The following ZDHHC3 variants were observed in gnomAD, a reference collection of about 807,000 sequenced individuals.
The protein encoded by ZDHHC3 is zDHHC palmitoyltransferase 3.
In ZDHHC3, 9 loss-of-function variants were observed where a neutral mutation model predicts 30.6. The ratio of observed to expected loss-of-function variants is 0.29; its 90% CI spans 0.18 to 0.51. ZDHHC3 has a LOEUF of 0.51. Ranked by LOEUF, ZDHHC3 falls within the 20% of genes least tolerant of loss-of-function variation. The pLI is 0.97. For synonymous variants in ZDHHC3, 136 were observed against 140.2 expected, an observed-to-expected ratio of 0.97 and a Z score of 0.21; for missense variants, 246 against 384.2, an observed-to-expected ratio of 0.64 and a Z score of 3.01.
chr3:44,947,141 GGGA>G (rs1270842906), intron 2 of ZDHHC3, among the ~76,000 whole-genome samples: 3 of 152,208 alleles, frequency 2.0e-5, no homozygotes, highest in African/African-American at 7.2e-5. Flanking sequence ...GTAACAAAAA[GGGA>G]GGAGATGAGC....
chr3:44,948,111 C>T (rs1026422616), intron 2 of ZDHHC3, among the ~76,000 whole-genome samples: 1 of 152,200 alleles, frequency 6.6e-6, no homozygotes, highest in Admixed American at 6.5e-5. Flanking sequence ...GTCAGTGTAA[C>T]ATCAGAAGGA....
Position 44,944,154 on chromosome 3 carries a change from A to T in ZDHHC3, c.431+1014T>A, listed in dbSNP as rs528798587. Among the ~76,000 whole-genome samples the T allele has an allele frequency of 2.4e-4, 35 of 147,392 alleles. 1 individual carries two copies. In the South Asian group the frequency reaches 3.0e-3, roughly 13 times the overall value. On this transcript the variant is annotated intron_variant, in intron 3 of 6. Coordinates refer to ENST00000424952, the MANE Select transcript of ZDHHC3 (RefSeq NM_001135179.2). ...ACCACACCCAGCTAATTAAAAAAAA[A>T]TTTTTTTTTTTTGAGATGGAGTTTC...
At chr3:44,927,835 G>C (rs564864090) in intron 6 of ZDHHC3, among the ~76,000 whole-genome samples, 43 of 152,366 alleles carry the variant, frequency 2.8e-4, no homozygotes, top group African/African-American at 9.1e-4. Flanking sequence ...TCTAGTAAAG[G>C]GGTGCTGGGA....
At chr3:44,937,801 T>C (rs9871310) in intron 3 of ZDHHC3, 3 of 416,038 alleles carry the variant, frequency 7.2e-6, no homozygotes, top group Non-Finnish European at 9.5e-6. Flanking sequence ...CCAAAAAAGG[T>C]TGGTGATGAC....
At position 44,921,069 on chromosome 3, in the gene ZDHHC3, G is replaced by C. The variant is rs970636224; in HGVS notation, c.*5620C>G. 1 of 985,316 alleles carries C rather than the reference G, an allele frequency of 1.0e-6. No homozygotes were observed. Among genetic ancestry groups the C allele is most frequent in the African/African-American group, 1.7e-5 (1 of 57,238 alleles). The allele number at this position is 985,316 out of a possible 1,614,324, so 61.0% of individuals were successfully genotyped here. A position where few individuals can be genotyped will look rare whatever the true frequency, so the allele number is the denominator to read the frequency against. ...CAGGCTCAAGAGAACGAACAAAAAT[G>C]GTTGATGCCTGGTAAGGGGGTCATA... On this transcript the variant is annotated 3_prime_UTR_variant, in exon 7 of 7. Transcript: ENST00000424952.
At chr3:44,953,497 C>T (rs1461814997) in intron 2 of ZDHHC3, among the ~76,000 whole-genome samples, 1 of 152,146 alleles carries the variant, frequency 6.6e-6, no homozygotes, top group Non-Finnish European at 1.5e-5. Flanking sequence ...CCAATAATTT[C>T]AAGGACTCAA....
rs187249891 is a variant in ZDHHC3, at chr3:44,933,083, C to T, written c.610+35G>A. ...CCCCCACTCAGGTCACACACCCACC[C>T]TGGAGCAGGGAGGAAAGCCTCAGCA... On this transcript the variant is annotated intron_variant, in intron 5 of 6. Coordinates refer to ENST00000424952, the MANE Select transcript of ZDHHC3 (RefSeq NM_001135179.2). The T allele has an allele frequency of 2.4e-4, 392 of 1,613,682 alleles. 2 individuals carry two copies. The African/African-American group carries it at 4.5e-3, about 18-fold the overall frequency.
chr3:44,926,055 C>T lies in ZDHHC3; in HGVS notation c.*634G>A, dbSNP rs1383891182. The T allele has an allele frequency of 1.0e-6, 1 of 985,896 alleles. No homozygotes were observed. Among genetic ancestry groups the T allele is most frequent in the Non-Finnish European group, 1.2e-6 (1 of 829,950 alleles). 61.1% of individuals were successfully genotyped at this position (985,896 alleles called of 1,614,324 possible). On this transcript the variant is annotated 3_prime_UTR_variant, in exon 7 of 7. Transcript: ENST00000424952. ...AAGACCTCTTTCATCTTTCTCCCCACTCCCCCGCAAAATCATTCTACACAC... is the reference window on the plus strand; with the variant it reads ...AAGACCTCTTTCATCTTTCTCCCCATTCCCCCGCAAAATCATTCTACACAC...
Position 44,923,777 on chromosome 3 carries a change from T to C in ZDHHC3, c.*2912A>G. 1 of 982,114 alleles carries C rather than the reference T, an allele frequency of 1.0e-6. No homozygotes were observed. The highest frequency in any genetic ancestry group is 1.2e-6 in the Non-Finnish European group (1 of 826,904). 60.8% of individuals were successfully genotyped at this position (982,114 alleles called of 1,614,324 possible). A position where few individuals can be genotyped will look rare whatever the true frequency, so the allele number is the denominator to read the frequency against. On this transcript the variant is annotated 3_prime_UTR_variant, in exon 7 of 7. Transcript: ENST00000424952. ...CTAATTGTGCCACTGCATTCCAGCC[T>C]GGGTGACAGAGCAAGACCTTGTCTC...
intron 3 of ZDHHC3, among the ~76,000 whole-genome samples, chr3:44,942,693 G>C (rs139563112): frequency 1.1e-3 from 170 of 152,328 alleles, no homozygotes; most frequent in African/African-American, 4.0e-3. Flanking sequence ...CGCTTGTTGA[G>C]CTAGGTGACT....
At position 44,923,390 on chromosome 3, in the gene ZDHHC3, C is replaced by T. The variant is rs182067279; in HGVS notation, c.*3299G>A. 8.1e-6 allele frequency: 8 copies of T among 985,230 alleles called. No individual in the cohort carries two copies. The South Asian group carries it at 1.4e-4, about 17-fold the overall frequency. The allele number at this position is 985,230 out of a possible 1,614,324, so 61.0% of individuals were successfully genotyped here. A position where few individuals can be genotyped will look rare whatever the true frequency, so the allele number is the denominator to read the frequency against. ...GTCCACAGTGAGAAGTGTCCGCGCCCGGCTTAAAATGTTTGTTAATTTACC... is the reference window on the plus strand; with the variant it reads ...GTCCACAGTGAGAAGTGTCCGCGCCTGGCTTAAAATGTTTGTTAATTTACC... On this transcript the variant is annotated 3_prime_UTR_variant, in exon 7 of 7. Transcript: ENST00000424952.
intron 1 of ZDHHC3, among the ~76,000 whole-genome samples, chr3:44,974,640 C>T (rs1705722134): frequency 6.6e-6 from 1 of 152,228 alleles, no homozygotes; most frequent in Non-Finnish European, 1.5e-5. Context: ...GGCTTCACCT[C>T]TTTCAGTTTC....
chr3:44,932,825 G>T (rs1355650831), intron 5 of ZDHHC3: 1 of 1,355,682 alleles, frequency 7.4e-7, no homozygotes, highest in Non-Finnish European at 1.1e-6. Flanking sequence ...CATTGGAACC[G>T]GCCTCTGTGC....
intron 1 of ZDHHC3, among the ~76,000 whole-genome samples, chr3:44,968,207 C>A (rs758915448): frequency 5.9e-5 from 9 of 152,080 alleles, no homozygotes; most frequent in African/African-American, 1.2e-4. Flanking sequence ...TGCTCCCTTA[C>A]ACACATTTGA....
At chr3:44,960,663 G>A (rs888725353) in intron 1 of ZDHHC3, among the ~76,000 whole-genome samples, 1 of 152,182 alleles carries the variant, frequency 6.6e-6, no homozygotes, top group African/African-American at 2.4e-5. Context: ...CCCACCAGAT[G>A]TAGGTGCCAT....
Position 44,923,973 on chromosome 3 carries a change from C to T in ZDHHC3, c.*2716G>A. ...GATCTAAGCCTTTTGCATATTCAGT[C>T]TAGTTGCTATGAACACAAACCTGAC... On this transcript the variant is annotated 3_prime_UTR_variant, in exon 7 of 7. Transcript: ENST00000424952. 3.0e-6 allele frequency: 3 copies of T among 985,460 alleles called. No individual in the cohort carries two copies. Among genetic ancestry groups the T allele is most frequent in the Non-Finnish European group, 3.6e-6 (3 of 829,942 alleles). The allele number at this position is 985,460 out of a possible 1,614,324, so 61.0% of individuals were successfully genotyped here. A position where few individuals can be genotyped will look rare whatever the true frequency, so the allele number is the denominator to read the frequency against.
At position 44,926,661 on chromosome 3, in the gene ZDHHC3, T is replaced by C. The variant is rs1701017711; in HGVS notation, c.*28A>G. On this transcript the variant is annotated 3_prime_UTR_variant, in exon 7 of 7. Coordinates refer to ENST00000424952, the MANE Select transcript of ZDHHC3 (RefSeq NM_001135179.2). The stretch of plus-strand genomic sequence containing the variant: ...GGTAGTGCTGTGGTGTGGACTTGTG[T>C]CTGAGTGGCCATGCCGGTCGGGGTC... 6.4e-7 allele frequency: 1 copy of C among 1,562,586 alleles called. No homozygotes were observed. Among genetic ancestry groups the C allele is most frequent in the Non-Finnish European group, 8.6e-7 (1 of 1,157,484 alleles).
In ZDHHC3 at chr3:44,933,888, T is replaced by C; in HGVS notation, c.528A>G (p.Thr176=). The C allele has an allele frequency of 6.2e-7, 1 of 1,614,180 alleles. No homozygotes were observed. Among genetic ancestry groups the C allele is most frequent in the Non-Finnish European group, 8.5e-7 (1 of 1,180,000 alleles). The change falls in exon 4 of 7, where the codon ACA becomes ACG. Residue 176 remains threonine (T), a splice_region_variant and synonymous_variant. Coordinates refer to ENST00000424952, the MANE Select transcript of ZDHHC3 (RefSeq NM_001135179.2). Reference sequence around the variant, plus strand: ...GGGCAGAATTTGCAAGCTGACTTACTGTAAACAGGACGAAGTACTTCTGGT... The same window carrying C: ...GGGCAGAATTTGCAAGCTGACTTACCGTAAACAGGACGAAGTACTTCTGGT... The part of the protein sequence containing the change: ...ENNQKYFVLF[T]MYIALISLHA...
intron 5 of ZDHHC3, 57 bp downstream of exon 5, chr3:44,933,061 C>T: frequency 6.2e-7 from 1 of 1,612,262 alleles, no homozygotes; most frequent in South Asian, 1.1e-5. Context: ...TCCCCGCCCC[C>T]CACTCAGGTC....
Sources: allele counts gnomAD v4.1 joint callset (sites outside exome capture counted in the v4.1 genomes callset), GRCh38; gene constraint gnomAD v4.1.1; transcripts MANE v1.5; gene names NCBI Gene and HGNC (gene_info 2026-07-23, HGNC 2026-07-21).